GRM7: variants seen among roughly 807,000 people sequenced by gnomAD.
GRM7 encodes glutamate metabotropic receptor 7.
In GRM7, 35 loss-of-function variants were observed where a neutral mutation model predicts 84.5. The ratio of observed to expected loss-of-function variants is 0.41; its 90% CI spans 0.32 to 0.55. The LOEUF is 0.55. Among genes scored for constraint, GRM7 ranks in the 20% least tolerant of loss-of-function variants. The probability of loss-of-function intolerance (pLI) is 0.19; values close to 1 mark genes in which losing one functional copy is unlikely to be tolerated. For synonymous variants in GRM7, 487 were observed against 455.1 expected, an observed-to-expected ratio of 1.07 and a Z score of -0.89; for missense variants, 1,003 against 1,194.6, an observed-to-expected ratio of 0.84 and a Z score of 2.36.
chr3:7,249,563 G>A (rs1224042271), intron 2 of GRM7, among the ~76,000 whole-genome samples: 1 of 152,128 alleles, frequency 6.6e-6, no homozygotes, highest in Non-Finnish European at 1.5e-5. Context: ...GACAGAAACT[G>A]TCTCTGATAA....
intron 9 of GRM7, among the ~76,000 whole-genome samples, chr3:7,709,820 A>G (rs1240372238): frequency 6.6e-6 from 1 of 152,124 alleles, no homozygotes; most frequent in Admixed American, 6.5e-5. Context: ...CCTTATCTCC[A>G]TTACAGGAAG....
At chr3:7,122,088 CTCTTT>C (rs1344782596) in intron 1 of GRM7, among the ~76,000 whole-genome samples, 1 of 152,172 alleles carries the variant, frequency 6.6e-6, no homozygotes, top group Non-Finnish European at 1.5e-5. Context: ...CAAATAAAAT[CTCTTT>C]TCTTTATAAA....
intron 2 of GRM7, among the ~76,000 whole-genome samples, chr3:7,291,455 C>G (rs1002516964): frequency 6.7e-6 from 1 of 149,422 alleles, no homozygotes; most frequent in African/African-American, 2.5e-5. Flanking sequence ...GCAGACATCA[C>G]AGTACAGACA....
intron 8 of GRM7, among the ~76,000 whole-genome samples, chr3:7,666,493 C>A (rs1421594293): frequency 6.6e-6 from 1 of 152,126 alleles, no homozygotes; most frequent in Admixed American, 6.5e-5. Flanking sequence ...TTGCTCCGTG[C>A]AGAATTATTT....
intron 4 of GRM7, among the ~76,000 whole-genome samples, chr3:7,389,224 A>T (rs1694898488): frequency 6.6e-6 from 1 of 152,112 alleles, no homozygotes; most frequent in Non-Finnish European, 1.5e-5. Context: ...TATTTATTGC[A>T]TTGTGGTCTG....
At chr3:7,370,705 C>T (rs1694094869) in intron 4 of GRM7, among the ~76,000 whole-genome samples, 1 of 152,080 alleles carries the variant, frequency 6.6e-6, no homozygotes, top group Non-Finnish European at 1.5e-5. Context: ...GAAACGACTC[C>T]CCTCCTTCCC....
intron 1 of GRM7, among the ~76,000 whole-genome samples, chr3:7,081,932 A>G (rs1222446222): frequency 1.3e-5 from 2 of 152,098 alleles, no homozygotes; most frequent in Admixed American, 1.3e-4. Context: ...ACCGAAGGAA[A>G]GTTTGGAGCT....
At chr3:7,429,483 A>G (rs572409852) in intron 5 of GRM7, among the ~76,000 whole-genome samples, 6 of 152,306 alleles carry the variant, frequency 3.9e-5, no homozygotes, top group African/African-American at 1.2e-4. Context: ...GCAAGGTTGA[A>G]TATTTTTCCA....
rs369688341 is a variant in GRM7, at chr3:7,365,377, C to T, written c.1034-49646C>T. Among the ~76,000 whole-genome samples the T allele has an allele frequency of 1.7e-4, 26 of 151,796 alleles. No individual in the cohort carries two copies. The South Asian group carries it at 3.5e-3, about 21-fold the overall frequency. On this transcript the variant is annotated intron_variant, in intron 4 of 9. Transcript: ENST00000357716. ...TCTTCAGGAAGTCCTCACAGTCTCT[C>T]CATCTCCATGCCTAGTTACATAACT... is the stretch of plus-strand genomic sequence containing the variant.
At chr3:7,246,896 A>G (rs1022681365) in intron 2 of GRM7, among the ~76,000 whole-genome samples, 1 of 152,164 alleles carries the variant, frequency 6.6e-6, no homozygotes, top group Non-Finnish European at 1.5e-5. Context: ...TAGGATTTAC[A>G]GTACTAGATT....
intron 4 of GRM7, among the ~76,000 whole-genome samples, chr3:7,408,333 A>G (rs1291985491): frequency 6.6e-6 from 1 of 152,242 alleles, no homozygotes. Context: ...ATTTTGTGCA[A>G]TAACATTGCA....
rs375986170 is a variant in GRM7 at position 6,912,847 on chromosome 3, G to A, written c.519+50940G>A. On this transcript the variant is annotated intron_variant, in intron 1 of 9. Coordinates refer to ENST00000357716, the MANE Select transcript of GRM7 (RefSeq NM_000844.4). Reference sequence around the variant, plus strand: ...TGATTTGAAATTTATGTCAAAATAGGTTGTTATTAAGTGAATAAAACCACA... The same window carrying A: ...TGATTTGAAATTTATGTCAAAATAGATTGTTATTAAGTGAATAAAACCACA... Among the ~76,000 whole-genome samples the A allele has an allele frequency of 2.0e-5, 3 of 152,000 alleles. No homozygotes were observed. The East Asian group carries it at 5.8e-4, about 29-fold the overall frequency.
chr3:6,993,039 G>C (rs1422062172), intron 1 of GRM7, among the ~76,000 whole-genome samples: 1 of 152,232 alleles, frequency 6.6e-6, no homozygotes, highest in African/African-American at 2.4e-5. Flanking sequence ...ACTCAGTTCA[G>C]CATGGCTGGG....
intron 2 of GRM7, among the ~76,000 whole-genome samples, chr3:7,243,520 G>A (rs1322203006): frequency 6.6e-6 from 1 of 152,012 alleles, no homozygotes; most frequent in African/African-American, 2.4e-5. Flanking sequence ...AACTTTCCTA[G>A]AGTTTCTATA....
intron 1 of GRM7, among the ~76,000 whole-genome samples, chr3:7,109,916 T>C (rs1199428756): frequency 1.3e-5 from 2 of 152,162 alleles, no homozygotes; most frequent in African/African-American, 4.8e-5. Context: ...TTTGTTTTTA[T>C]ATGTTTGAAT....
intron 4 of GRM7, among the ~76,000 whole-genome samples, chr3:7,341,835 T>C (rs762497032): frequency 3.3e-5 from 5 of 152,144 alleles, no homozygotes; most frequent in African/African-American, 4.8e-5. Context: ...TCAAGTTTCA[T>C]GCTAAGTTGA....
chr3:7,589,528 GA>G (rs1466792859), intron 8 of GRM7, among the ~76,000 whole-genome samples: 1 of 152,172 alleles, frequency 6.6e-6, no homozygotes, highest in Non-Finnish European at 1.5e-5. Context: ...ATAAACAGTA[GA>G]GGCAAGTTAA....
intron 8 of GRM7, among the ~76,000 whole-genome samples, chr3:7,669,327 T>C (rs374918249): frequency 1.3e-5 from 2 of 151,712 alleles, no homozygotes; most frequent in South Asian, 2.1e-4. Context: ...AAGTAGGAGG[T>C]AGCTAGGTAA....
chr3:6,866,481 T>C (rs1255813359), intron 1 of GRM7, among the ~76,000 whole-genome samples: 2 of 152,196 alleles, frequency 1.3e-5, no homozygotes, highest in Non-Finnish European at 2.9e-5. Flanking sequence ...TTTTAAAATA[T>C]ATTTTCACAC....
Sources: gnomAD v4.1 joint callset for allele counts (sites outside exome capture counted in the v4.1 genomes callset) on GRCh38, gnomAD v4.1.1 for gene constraint, MANE v1.5 for transcripts, NCBI Gene and HGNC (gene_info 2026-07-23, HGNC 2026-07-21) for gene names.